DOCK9: variants seen among roughly 807,000 people sequenced by gnomAD.
DOCK9 encodes the protein dedicator of cytokinesis 9, also known as dedicator of cytokinesis protein 9.
Under a neutral mutation model 263.3 loss-of-function variants are expected in DOCK9, and 89 were observed. That is an observed-to-expected ratio of 0.34 (90% CI 0.28 to 0.40). DOCK9 has a LOEUF of 0.40. Among genes scored for constraint, DOCK9 ranks in the 10% least tolerant of loss-of-function variants. DOCK9 has a pLI of 1.00. For synonymous variants in DOCK9, 976 were observed against 973.1 expected (o/e 1.00, Z -0.06); for missense variants, 2,140 against 2,603.4 (o/e 0.82, Z 3.87).
At chr13:98,888,253 A>C in intron 17 of DOCK9, 30 bp from the exon 18 acceptor site, 1 of 1,604,900 alleles carries the variant, frequency 6.2e-7, no homozygotes, top group Non-Finnish European at 8.5e-7. Flanking sequence ...AGAATAAGAA[A>C]AAACAACAGA....
chr13:98,947,735 A>T (rs1226679343), intron 2 of DOCK9, among the ~76,000 whole-genome samples: 6 of 152,040 alleles, frequency 3.9e-5, no homozygotes, highest in Non-Finnish European at 5.9e-5. Flanking sequence ...CAAACTCCTG[A>T]CCTCAGGTAA....
intron 50 of DOCK9, 82 bp downstream of exon 50, chr13:98,800,206 C>T: frequency 2.1e-6 from 3 of 1,413,124 alleles, no homozygotes; most frequent in East Asian, 2.5e-5. Context: ...CTCAAGTAGA[C>T]CTTGTTAGTG....
intron 27 of DOCK9, among the ~76,000 whole-genome samples, chr13:98,869,647 T>C (rs1280526798): frequency 5.3e-5 from 8 of 152,254 alleles, no homozygotes; most frequent in Non-Finnish European, 1.2e-4. Context: ...AAGTACTAAC[T>C]GACCTTTAAT....
chr13:98,860,022 CTA>C, intron 33 of DOCK9: 1 of 255,980 alleles, frequency 3.9e-6, no homozygotes, highest in Non-Finnish European at 6.5e-6. Context: ...TCTGGAATTA[CTA>C]TGTCATATTT....
chr13:99,088,014 C>T (rs1190761476), upstream of DOCK9: 1 of 152,256 alleles, frequency 6.6e-6, no homozygotes, highest in Non-Finnish European at 1.5e-5. Context: ...GAAGCGTAAT[C>T]TTAAAGTGGT....
At position 98,930,770 on chromosome 13, in the gene DOCK9, G is replaced by A. The variant is rs191905135; in HGVS notation, c.244-513C>T. Among the ~76,000 whole-genome samples the A allele has an allele frequency of 5.4e-3, 823 of 152,032 alleles. 9 individuals are homozygous for A. The highest frequency in any genetic ancestry group is 0.019 in the African/African-American group (773 of 41,464). ...AGCGATTCTCCTGTCTCAGCCTCCC[G>A]AGTAGCTGGGATTACAGGCATGCGC... On this transcript the variant is annotated intron_variant, in intron 2 of 52. Transcript: ENST00000682017.
intron 1 of DOCK9, among the ~76,000 whole-genome samples, chr13:99,035,109 G>A (rs1887726486): frequency 6.6e-6 from 1 of 152,310 alleles, no homozygotes; most frequent in African/African-American, 2.4e-5. Flanking sequence ...ACTTTCATGT[G>A]CAGGTTTGCT....
intron 38 of DOCK9, among the ~76,000 whole-genome samples, chr13:98,839,063 A>G (rs184232279): frequency 5.2e-4 from 79 of 152,356 alleles, no homozygotes; most frequent in Non-Finnish European, 8.5e-4. Flanking sequence ...TTTAAAAGCT[A>G]CAGAAGTGCT....
chr13:99,046,679 AAAAT>A (rs1377203062), intron 1 of DOCK9, among the ~76,000 whole-genome samples: 1 of 152,234 alleles, frequency 6.6e-6, no homozygotes, highest in Admixed American at 6.5e-5. Context: ...GCATGGGTGT[AAAAT>A]AAACACACAC....
intron 30 of DOCK9, among the ~76,000 whole-genome samples, chr13:98,866,864 G>T (rs770535975): frequency 6.6e-6 from 1 of 152,134 alleles, no homozygotes; most frequent in African/African-American, 2.4e-5. Flanking sequence ...GCAAAAAACC[G>T]GATGCCTCCC....
rs780257339 is a variant in DOCK9, at chr13:98,885,096, T to C, written c.2261-4A>G. 1.2e-6 allele frequency: 2 copies of C among 1,613,316 alleles called. No homozygotes were observed. The highest frequency in any genetic ancestry group is 2.2e-5 in the South Asian group (2 of 90,928). ...AGGGGAAGCCAGGAGTAGCCAACTGTTGAAAACAAAGAACAACAACAACAA... is the reference window on the plus strand; with the variant it reads ...AGGGGAAGCCAGGAGTAGCCAACTGCTGAAAACAAAGAACAACAACAACAA... On this transcript the variant is annotated splice_region_variant and splice_polypyrimidine_tract_variant and intron_variant, in intron 20 of 52. Coordinates refer to ENST00000682017, the MANE Select transcript of DOCK9 (RefSeq NM_001366683.2).
Position 98,847,373 on chromosome 13 carries a change from T to C in DOCK9, c.4061+1219A>G, listed in dbSNP as rs1477709310. The C allele has an allele frequency of 2.0e-5, 3 of 152,320 alleles. No homozygotes were observed. The East Asian group carries it at 5.8e-4, about 29-fold the overall frequency. The allele number at this position is 152,320 out of a possible 1,614,324, so 9.4% of individuals were successfully genotyped here. A position where few individuals can be genotyped will look rare whatever the true frequency, so the allele number is the denominator to read the frequency against. ...TGGTATAAGGACACCTTGTATATAC[T>C]TGCATTTAGTACTCCAAAACTCAAA... On this transcript the variant is annotated intron_variant, in intron 37 of 52. Transcript: ENST00000682017.
At chr13:98,870,370 G>A (rs1192115687) in intron 27 of DOCK9, among the ~76,000 whole-genome samples, 3 of 152,144 alleles carry the variant, frequency 2.0e-5, no homozygotes, top group Non-Finnish European at 4.4e-5. Context: ...ATTCCAAAGG[G>A]ATTTTGTTGC....
chr13:98,976,590 C>T (rs184591445), intron 1 of DOCK9, among the ~76,000 whole-genome samples: 166 of 152,290 alleles, frequency 1.1e-3, no homozygotes, highest in Non-Finnish European at 1.8e-3. Flanking sequence ...CTGTGAGCAA[C>T]CCAACAGAGA....
chr13:98,873,543 C>A (rs183192118), intron 27 of DOCK9, among the ~76,000 whole-genome samples: 1 of 152,230 alleles, frequency 6.6e-6, no homozygotes. Context: ...TCATGGCTAA[C>A]TCTGGCCAAT....
Position 98,794,960 on chromosome 13 carries a change from A to G in DOCK9, c.6157-212T>C, listed in dbSNP as rs565605572. ...CCCCACATCACACACACAAGTCTAC[A>G]CTCACTCCATCACGTGAGTGATGTG... On this transcript the variant is annotated intron_variant, in intron 52 of 52. Transcript: ENST00000682017. Among the ~76,000 whole-genome samples the G allele has an allele frequency of 4.6e-5, 7 of 152,270 alleles. No individual in the cohort carries two copies. The East Asian group carries it at 1.4e-3, about 29-fold the overall frequency.
chr13:98,799,328 A>G (rs1349981797), intron 50 of DOCK9, among the ~76,000 whole-genome samples: 1 of 152,248 alleles, frequency 6.6e-6, no homozygotes, highest in Non-Finnish European at 1.5e-5. Flanking sequence ...AAACAATAGG[A>G]TATACAAATA....
At chr13:98,831,944 T>C in intron 39 of DOCK9, 158 bp from the exon 40 acceptor site, 1 of 865,638 alleles carries the variant, frequency 1.2e-6, no homozygotes, top group Non-Finnish European at 1.7e-6. Flanking sequence ...AGAATTCTTT[T>C]GTAGAACAAG....
At chr13:98,947,424 A>C (rs1356951655) in intron 2 of DOCK9, among the ~76,000 whole-genome samples, 2 of 148,268 alleles carry the variant, frequency 1.3e-5, no homozygotes, top group African/African-American at 5.0e-5. Flanking sequence ...AAAAAAAATC[A>C]ATCACTATTT....
Sources: gnomAD v4.1 joint callset for allele counts (sites outside exome capture counted in the v4.1 genomes callset) on GRCh38, gnomAD v4.1.1 for gene constraint, MANE v1.5 for transcripts, NCBI Gene and HGNC (gene_info 2026-07-23, HGNC 2026-07-21) for gene names.